The following PLSCR2 variants were observed in gnomAD, a reference collection of about 807,000 sequenced individuals.
PLSCR2 encodes the protein PL scramblase 2.
In PLSCR2, 18 loss-of-function variants were observed where a neutral mutation model predicts 25.3. The ratio of observed to expected loss-of-function variants is 0.71; its 90% confidence interval spans 0.49 to 1.06. The LOEUF (loss-of-function observed/expected upper bound fraction) is 1.06. PLSCR2 is among the 50% of genes least tolerant of loss of function. The probability of loss-of-function intolerance (pLI) is 0.00; values close to 1 mark genes in which losing one functional copy is unlikely to be tolerated. For missense variants in PLSCR2, 243 were observed against 269.5 expected (o/e 0.90, Z 0.69); for synonymous variants, 88 against 87.3 (o/e 1.01, Z -0.04).
intron 1 of PLSCR2, among the ~76,000 whole-genome samples, chr3:146,487,230 G>A (rs976551261): frequency 2.0e-5 from 3 of 152,052 alleles, no homozygotes; most frequent in Non-Finnish European, 2.9e-5. Flanking sequence ...GCAACAGCTG[G>A]AAGAATTCCC....
At chr3:146,408,916 G>A (rs1013348384) in intron 2 of PLSCR2, among the ~76,000 whole-genome samples, 22 of 152,110 alleles carry the variant, frequency 1.4e-4, no homozygotes, top group African/African-American at 5.3e-4. Flanking sequence ...TCCTCAAGGA[G>A]GTCTCTAGCT....
At chr3:146,479,945 C>T (rs1375806037) in intron 1 of PLSCR2, among the ~76,000 whole-genome samples, 1 of 152,164 alleles carries the variant, frequency 6.6e-6, no homozygotes, top group Non-Finnish European at 1.5e-5. Flanking sequence ...CTCAAAACCA[C>T]ACAACTACAT....
At chr3:146,473,870 A>T (rs954773751) in intron 1 of PLSCR2, among the ~76,000 whole-genome samples, 1 of 152,156 alleles carries the variant, frequency 6.6e-6, no homozygotes. Context: ...TTTTCCAGGG[A>T]CTTCACTTTA....
At chr3:146,437,559 T>A (rs1393243444), downstream of PLSCR2, among the ~76,000 whole-genome samples, 2 of 152,188 alleles carry the variant, frequency 1.3e-5, no homozygotes, top group Non-Finnish European at 2.9e-5. Flanking sequence ...TTTATTTGCA[T>A]AGAGGTGTTT....
chr3:146,456,729 A>T (rs2041243172), intron 3 of PLSCR2, among the ~76,000 whole-genome samples: 1 of 152,232 alleles, frequency 6.6e-6, no homozygotes, highest in Non-Finnish European at 1.5e-5. Context: ...TGCTAAAAAT[A>T]AACTGAGTAA....
chr3:146,401,694 A>T (rs984153555), intron 2 of PLSCR2: 7 of 152,182 alleles, frequency 4.6e-5, no homozygotes. Context: ...AACTTTCTTT[A>T]ACTGGTATCT....
intron 6 of PLSCR2, among the ~76,000 whole-genome samples, chr3:146,442,852 G>A (rs1254614637): frequency 6.6e-6 from 1 of 151,870 alleles, no homozygotes; most frequent in Admixed American, 6.6e-5. Context: ...ACTGTAAAAC[G>A]ACTAGAAGAA....
chr3:146,453,994 T>A lies in PLSCR2; in HGVS notation c.483+8A>T, dbSNP rs764367160. ...AGCAAATCCTATAAACATTATGACA[T>A]CTCTTACCTCAAAATCAACACCCGC... On this transcript the variant is annotated splice_region_variant and intron_variant, in intron 5 of 6. Transcript: ENST00000610787. The A allele has an allele frequency of 6.4e-7, 1 of 1,561,446 alleles. No homozygotes were observed. Among genetic ancestry groups the A allele is most frequent in the East Asian group, 2.3e-5 (1 of 43,890 alleles).
chr3:146,482,387 C>T (rs538746026), intron 1 of PLSCR2, among the ~76,000 whole-genome samples: 1 of 151,844 alleles, frequency 6.6e-6, no homozygotes, highest in African/African-American at 2.4e-5. Flanking sequence ...AAGAAAAAAA[C>T]AAACAACCCC....
chr3:146,490,280 T>C (rs961345293), intron 1 of PLSCR2, among the ~76,000 whole-genome samples: 8 of 152,056 alleles, frequency 5.3e-5, no homozygotes, highest in Non-Finnish European at 8.8e-5. Context: ...CAAAGCAAAC[T>C]CCATTAGCTC....
At chr3:146,466,204 G>T (rs1421212695) in intron 1 of PLSCR2, among the ~76,000 whole-genome samples, 1 of 151,346 alleles carries the variant, frequency 6.6e-6, no homozygotes, top group Non-Finnish European at 1.5e-5. Flanking sequence ...ACAGAGTCTT[G>T]CTCTGTTGCC....
At chr3:146,445,237 GTACT>G (rs1479973307) in intron 6 of PLSCR2, among the ~76,000 whole-genome samples, 2 of 152,000 alleles carry the variant, frequency 1.3e-5, no homozygotes, top group Non-Finnish European at 2.9e-5. Context: ...GTTTATCTGT[GTACT>G]TACTATTACC....
downstream of PLSCR2, among the ~76,000 whole-genome samples, chr3:146,428,315 C>T (rs2039426196): frequency 6.6e-6 from 1 of 152,100 alleles, no homozygotes. Context: ...TTGTTTTCTA[C>T]CTCTGCCAGA....
chr3:146,457,369 T>C (rs2041278306), intron 3 of PLSCR2, among the ~76,000 whole-genome samples: 1 of 152,238 alleles, frequency 6.6e-6, no homozygotes. Flanking sequence ...GCAGCTGTTC[T>C]GAAGCATCTA....
chr3:146,457,568 A>G (rs1053966636), intron 3 of PLSCR2, among the ~76,000 whole-genome samples: 4 of 152,234 alleles, frequency 2.6e-5, no homozygotes, highest in African/African-American at 4.8e-5. Context: ...CGTGGAACAA[A>G]GATTCTACTG....
intron 2 of PLSCR2, among the ~76,000 whole-genome samples, chr3:146,459,204 A>G (rs536948976): frequency 9.9e-5 from 15 of 152,152 alleles, no homozygotes; most frequent in Non-Finnish European, 2.1e-4. Flanking sequence ...GGTCTTCCAA[A>G]GGAAAAAAGC....
chr3:146,478,987 C>A (rs1293296818), intron 1 of PLSCR2, among the ~76,000 whole-genome samples: 2 of 152,036 alleles, frequency 1.3e-5, no homozygotes, highest in Non-Finnish European at 2.9e-5. Context: ...TCATATCCAG[C>A]CAAACTAAGC....
At chr3:146,484,649 G>T (rs2043277337) in intron 1 of PLSCR2, among the ~76,000 whole-genome samples, 1 of 152,046 alleles carries the variant, frequency 6.6e-6, no homozygotes, top group Non-Finnish European at 1.5e-5. Flanking sequence ...CATTCTTAAA[G>T]AAAAGAATTT....
chr3:146,475,617 T>G (rs2042260107), intron 1 of PLSCR2, among the ~76,000 whole-genome samples: 1 of 152,214 alleles, frequency 6.6e-6, no homozygotes, highest in African/African-American at 2.4e-5. Flanking sequence ...TCTATTTTCT[T>G]CATTATGTGT....
Sources: gnomAD v4.1 joint callset for allele counts (sites outside exome capture counted in the v4.1 genomes callset) on GRCh38, gnomAD v4.1.1 for gene constraint, MANE v1.5 for transcripts, NCBI Gene and HGNC (gene_info 2026-07-23, HGNC 2026-07-21) for gene names.